NBEA: variants seen among roughly 807,000 people sequenced by gnomAD.
NBEA encodes the protein neurobeachin.
A neutral mutation model predicts 343.4 loss-of-function variants in NBEA; 44 were observed. The ratio of observed to expected loss-of-function variants is 0.13; its 90% CI spans 0.10 to 0.16. The LOEUF is 0.16. NBEA is among the 10% of genes least tolerant of loss of function. NBEA has a pLI of 1.00. For missense variants in NBEA, 2,555 were observed against 3,631.3 expected (o/e 0.70, Z 7.62); for synonymous variants, 1,175 against 1,238.7 (o/e 0.95, Z 1.08).
intron 55 of NBEA, among the ~76,000 whole-genome samples, chr13:35,656,519 G>A (rs964068180): frequency 6.6e-6 from 1 of 152,156 alleles, no homozygotes; most frequent in African/African-American, 2.4e-5. Flanking sequence ...GTTATTAGTT[G>A]TTGGACTGCT....
At chr13:35,557,639 A>G (rs931703412) in intron 44 of NBEA, among the ~76,000 whole-genome samples, 1 of 152,176 alleles carries the variant, frequency 6.6e-6, no homozygotes, top group Non-Finnish European at 1.5e-5. Context: ...ACTAAACATG[A>G]AAGCCTGACT....
At chr13:35,155,132 TAAAAAAAAA>T (rs753159286) in intron 18 of NBEA, among the ~76,000 whole-genome samples, 1 of 61,864 alleles carries the variant, frequency 1.6e-5, no homozygotes, top group Admixed American at 2.1e-4. Context: ...ATTCTGTCTC[TAAAAAAAAA>T]AAAAAAAAAA....
intron 17 of NBEA, among the ~76,000 whole-genome samples, chr13:35,134,323 A>G (rs1012686367): frequency 4.0e-5 from 6 of 151,842 alleles, no homozygotes; most frequent in Admixed American, 1.3e-4. Flanking sequence ...TCAATCTTAC[A>G]TATTTTGAGG....
intron 58 of NBEA, among the ~76,000 whole-genome samples, chr13:35,669,906 C>T (rs2085529193): frequency 6.6e-6 from 1 of 151,804 alleles, no homozygotes; most frequent in Admixed American, 6.6e-5. Flanking sequence ...TTAGAAGAGG[C>T]TCATCCATTC....
At chr13:35,054,784 C>T (rs1442016713) in intron 6 of NBEA, among the ~76,000 whole-genome samples, 1 of 151,684 alleles carries the variant, frequency 6.6e-6, no homozygotes, top group Non-Finnish European at 1.5e-5. Context: ...GCTGGGATTA[C>T]AGGCACATGC....
At chr13:35,665,396 G>A (rs1390751423) in intron 56 of NBEA, among the ~76,000 whole-genome samples, 1 of 152,126 alleles carries the variant, frequency 6.6e-6, no homozygotes, top group Non-Finnish European at 1.5e-5. Flanking sequence ...GGTCAACAGT[G>A]TTCTAAGCAG....
rs146796732 is a variant in NBEA, at chr13:35,562,097, C to T, written c.6923-4808C>T. Among the ~76,000 whole-genome samples, 430 of 152,108 alleles carry T rather than the reference C, an allele frequency of 2.8e-3. 1 individual carries two copies. The highest frequency in any genetic ancestry group is 7.7e-3 in the African/African-American group (318 of 41,550). The stretch of plus-strand genomic sequence containing the variant: ...CCTGTAATGTATACAGGTTTGCTTT[C>T]TACTTTTTCCATTTCACTAAATATT... On this transcript the variant is annotated intron_variant, in intron 44 of 58. Transcript: ENST00000379939.
intron 41 of NBEA, chr13:35,475,363 T>A: frequency 1.2e-6 from 2 of 1,613,906 alleles, no homozygotes; most frequent in Non-Finnish European, 1.7e-6. Context: ...AAGGTGACGA[T>A]CCCTTAAGGT....
chr13:35,093,996 A>G (rs2065210117), intron 10 of NBEA, among the ~76,000 whole-genome samples: 1 of 151,880 alleles, frequency 6.6e-6, no homozygotes, highest in Admixed American at 6.6e-5. Context: ...GTAATATAAG[A>G]GATTTATAAT....
At position 35,271,999 on chromosome 13, in the gene NBEA, C is replaced by A. The variant is rs891291718; in HGVS notation, c.5777-18390C>A. ...GGCCAACATTCAAATTCAGGAAATA[C>A]AGAGAACACCACAAAGATACTCCTC... On this transcript the variant is annotated intron_variant, in intron 34 of 58. Transcript: ENST00000379939. 2.6e-5 allele frequency among the ~76,000 whole-genome samples: 4 copies of A among 152,230 alleles called. No homozygotes were observed. In the East Asian group the frequency reaches 7.7e-4, roughly 29 times the overall value.
intron 41 of NBEA, among the ~76,000 whole-genome samples, chr13:35,501,890 T>G (rs1443877909): frequency 6.6e-6 from 1 of 152,114 alleles, no homozygotes; most frequent in East Asian, 1.9e-4. Flanking sequence ...TCTGATTTTT[T>G]TCCACATTGT....
chr13:35,148,254 T>TTGCA (rs1292984590), intron 18 of NBEA, among the ~76,000 whole-genome samples: 2 of 151,558 alleles, frequency 1.3e-5, no homozygotes, highest in Non-Finnish European at 2.9e-5. Flanking sequence ...AGAGAAAGAG[T>TTGCA]TGCATGCAAG....
intron 44 of NBEA, among the ~76,000 whole-genome samples, chr13:35,557,128 G>A (rs796837170): frequency 6.6e-6 from 1 of 152,058 alleles, no homozygotes; most frequent in African/African-American, 2.4e-5. Context: ...TTCCAATGTA[G>A]CAGGCATTCA....
At chr13:35,457,660 C>G (rs1368782730) in intron 40 of NBEA, among the ~76,000 whole-genome samples, 3 of 152,126 alleles carry the variant, frequency 2.0e-5, no homozygotes, top group Admixed American at 6.5e-5. Flanking sequence ...CCAGGCTGGA[C>G]TGCAGTGGCG....
intron 22 of NBEA, among the ~76,000 whole-genome samples, chr13:35,160,736 C>T (rs1263827792): frequency 6.6e-6 from 1 of 152,112 alleles, no homozygotes; most frequent in Non-Finnish European, 1.5e-5. Flanking sequence ...TTTGACCTCA[C>T]TGGAATAAAG....
chr13:35,205,100 G>C (rs535358265), intron 31 of NBEA, among the ~76,000 whole-genome samples: 1 of 152,246 alleles, frequency 6.6e-6, no homozygotes, highest in Non-Finnish European at 1.5e-5. Flanking sequence ...TGCTAAGAAA[G>C]AGAATGGTTT....
At chr13:35,544,406 A>G (rs1446629999) in intron 41 of NBEA, among the ~76,000 whole-genome samples, 3 of 152,250 alleles carry the variant, frequency 2.0e-5, no homozygotes, top group Admixed American at 6.5e-5. Flanking sequence ...AGCTTCCTTA[A>G]AAAGAAAAAA....
intron 40 of NBEA, among the ~76,000 whole-genome samples, chr13:35,462,920 C>T (rs775323870): frequency 1.3e-5 from 2 of 152,116 alleles, no homozygotes; most frequent in African/African-American, 4.8e-5. Flanking sequence ...TGTGCAGATG[C>T]AAGGTCTTCT....
chr13:35,251,279 A>T, intron 34 of NBEA: 1 of 532,758 alleles, frequency 1.9e-6, no homozygotes, highest in Non-Finnish European at 2.5e-6. Context: ...CGCTGGTAGC[A>T]GATTCATAGT....
Sources: allele counts gnomAD v4.1 joint callset (sites outside exome capture counted in the v4.1 genomes callset), GRCh38; gene constraint gnomAD v4.1.1; transcripts MANE v1.5; gene names NCBI Gene and HGNC (gene_info 2026-07-23, HGNC 2026-07-21).